AUTS2: variants seen among roughly 807,000 people sequenced by gnomAD.
AUTS2 encodes activator of transcription and developmental regulator AUTS2.
Under a neutral mutation model 112.4 loss-of-function variants are expected in AUTS2, and 17 were observed. That is an observed-to-expected ratio of 0.15 (90% CI 0.10 to 0.23). The LOEUF (loss-of-function observed/expected upper bound fraction) is 0.23. AUTS2 is among the 10% of genes least tolerant of loss of function. The pLI is 1.00. For synonymous variants in AUTS2, 751 were observed against 702.7 expected (o/e 1.07, Z -1.09); for missense variants, 1,510 against 1,701.6 (o/e 0.89, Z 1.98).
In AUTS2 at chr7:70,355,874, A is replaced by C. The variant is rs373527273; in HGVS notation, c.661-79878A>C. On this transcript the variant is annotated intron_variant, in intron 4 of 18. Coordinates refer to ENST00000342771, the MANE Select transcript of AUTS2 (RefSeq NM_015570.4). The stretch of plus-strand genomic sequence containing the variant: ...ACCATGCTGCCTTACCCCTGGGACC[A>C]CTGTAATTGCTTTACATCTGTACAA... Among the ~76,000 whole-genome samples the C allele has an allele frequency of 1.4e-4, 21 of 152,296 alleles. No individual in the cohort carries two copies. The East Asian group carries it at 4.1e-3, about 29-fold the overall frequency.
chr7:69,651,199 C>T (rs1795273485), intron 1 of AUTS2, among the ~76,000 whole-genome samples: 1 of 152,184 alleles, frequency 6.6e-6, no homozygotes, highest in Admixed American at 6.5e-5. Flanking sequence ...GTGAAACAAA[C>T]TTATGACATC....
At chr7:70,399,287 G>C (rs1467720233) in intron 4 of AUTS2, among the ~76,000 whole-genome samples, 1 of 152,070 alleles carries the variant, frequency 6.6e-6, no homozygotes, top group Middle Eastern at 3.2e-3. Flanking sequence ...ACCACACCCA[G>C]CCAGGTCTTC....
In AUTS2 at chr7:70,519,807, G is replaced by T. The variant is rs1311965373; in HGVS notation, c.690+84026G>T. Reference sequence around the variant, plus strand: ...CATATCACTTTACTTAATATGAGCAGCTTCTACTTGATTGGGTGTTCTGTC... The same window carrying T: ...CATATCACTTTACTTAATATGAGCATCTTCTACTTGATTGGGTGTTCTGTC... On this transcript the variant is annotated intron_variant, in intron 5 of 18. Coordinates refer to ENST00000342771, the MANE Select transcript of AUTS2 (RefSeq NM_015570.4). Among the ~76,000 whole-genome samples, 3 of 152,142 alleles carry T rather than the reference G, an allele frequency of 2.0e-5. No individual in the cohort carries two copies. The East Asian group carries it at 5.8e-4, about 29-fold the overall frequency.
intron 3 of AUTS2, 94 bp downstream of exon 3, chr7:70,118,327 T>C: frequency 7.4e-7 from 1 of 1,347,426 alleles, no homozygotes; most frequent in South Asian, 1.9e-5. Flanking sequence ...TACATAACTT[T>C]CCCTCATCTT....
At chr7:70,151,230 A>G (rs1807421299) in intron 4 of AUTS2, among the ~76,000 whole-genome samples, 1 of 152,152 alleles carries the variant, frequency 6.6e-6, no homozygotes, top group Admixed American at 6.5e-5. Flanking sequence ...TATTCATTAG[A>G]GAGTTAATTA....
intron 2 of AUTS2, among the ~76,000 whole-genome samples, chr7:69,903,958 G>T (rs1311515688): frequency 6.6e-6 from 1 of 152,198 alleles, no homozygotes; most frequent in Non-Finnish European, 1.5e-5. Context: ...GAGATTTGTA[G>T]TTGACATTGT....
chr7:70,648,489 T>C (rs10950208), intron 5 of AUTS2, among the ~76,000 whole-genome samples: 17,851 of 152,242 alleles, frequency 0.12, 1,157 homozygotes, highest in South Asian at 0.18. Context: ...AATTTATACA[T>C]TCATATCATG....
rs375199763 is a variant in AUTS2, at chr7:70,731,720, C to T, written c.743-31150C>T. On this transcript the variant is annotated intron_variant, in intron 6 of 18. Coordinates refer to ENST00000342771, the MANE Select transcript of AUTS2 (RefSeq NM_015570.4). Reference sequence around the variant, plus strand: ...CTGGGATTACAGGCATGAGCCACCGCGCCCAGTCTCCTTTACCCAGATCTA... The same window carrying T: ...CTGGGATTACAGGCATGAGCCACCGTGCCCAGTCTCCTTTACCCAGATCTA... Among the ~76,000 whole-genome samples the T allele has an allele frequency of 8.7e-4, 130 of 150,222 alleles. 3 individuals carry two copies. In the East Asian group the frequency reaches 0.022, roughly 25 times the overall value.
At chr7:70,018,534 T>A (rs1257777295) in intron 2 of AUTS2, among the ~76,000 whole-genome samples, 1 of 152,210 alleles carries the variant, frequency 6.6e-6, no homozygotes, top group East Asian at 1.9e-4. Flanking sequence ...ATTTGATTCC[T>A]GTTTAACACT....
intron 2 of AUTS2, among the ~76,000 whole-genome samples, chr7:69,964,701 C>T (rs1395597550): frequency 1.3e-5 from 2 of 151,680 alleles, no homozygotes; most frequent in Non-Finnish European, 1.5e-5. Flanking sequence ...GGACTTAGGA[C>T]AAACGGGGAA....
chr7:70,753,170 A>G (rs1419980096), intron 6 of AUTS2, among the ~76,000 whole-genome samples: 1 of 152,144 alleles, frequency 6.6e-6, no homozygotes, highest in Non-Finnish European at 1.5e-5. Context: ...ATGATAGCCA[A>G]ACTAGCTTCT....
At chr7:70,679,912 G>C (rs1808118521) in intron 5 of AUTS2, among the ~76,000 whole-genome samples, 1 of 152,204 alleles carries the variant, frequency 6.6e-6, no homozygotes, top group Non-Finnish European at 1.5e-5. Context: ...TTTTGGTTTT[G>C]TTTTTAAAAC....
chr7:69,833,924 T>C (rs1791609082), intron 1 of AUTS2, among the ~76,000 whole-genome samples: 1 of 152,226 alleles, frequency 6.6e-6, no homozygotes, highest in African/African-American at 2.4e-5. Flanking sequence ...TGGTCATGGT[T>C]GGACTCCATC....
At chr7:69,652,351 T>C in intron 1 of AUTS2, among the ~76,000 whole-genome samples, 1 of 151,692 alleles carries the variant, frequency 6.6e-6, no homozygotes, top group African/African-American at 2.4e-5. Flanking sequence ...CTTTGCTTGG[T>C]GGCTGTTAGT....
intron 2 of AUTS2, among the ~76,000 whole-genome samples, chr7:69,922,087 A>C (rs1382349074): frequency 1.3e-5 from 2 of 152,170 alleles, no homozygotes; most frequent in Non-Finnish European, 2.9e-5. Flanking sequence ...AAGAAAAAAA[A>C]ATTAGTAAAT....
intron 2 of AUTS2, among the ~76,000 whole-genome samples, chr7:70,010,948 G>C (rs1481010980): frequency 6.6e-6 from 1 of 152,170 alleles, no homozygotes; most frequent in African/African-American, 2.4e-5. Flanking sequence ...GGGCAGCCAA[G>C]GAAGAGATTT....
chr7:70,697,974 T>C (rs1809219955), intron 5 of AUTS2, among the ~76,000 whole-genome samples: 1 of 152,192 alleles, frequency 6.6e-6, no homozygotes, highest in Admixed American at 6.5e-5. Context: ...AAGGAAATAA[T>C]GCTGGTGGCA....
intron 3 of AUTS2, among the ~76,000 whole-genome samples, chr7:70,126,781 A>C (rs1805995683): frequency 6.6e-6 from 1 of 152,168 alleles, no homozygotes; most frequent in African/African-American, 2.4e-5. Flanking sequence ...AAGTTCTGCT[A>C]TTTATTGTGT....
At chr7:70,049,709 A>G (rs1175260511) in intron 2 of AUTS2, among the ~76,000 whole-genome samples, 3 of 152,144 alleles carry the variant, frequency 2.0e-5, no homozygotes, top group Non-Finnish European at 4.4e-5. Context: ...GAACTTAAAA[A>G]TATATGAAGA....
Sources: gnomAD v4.1 joint callset for allele counts (sites outside exome capture counted in the v4.1 genomes callset) on GRCh38, gnomAD v4.1.1 for gene constraint, MANE v1.5 for transcripts, NCBI Gene and HGNC (gene_info 2026-07-23, HGNC 2026-07-21) for gene names.